HSPBAP1: variants seen among roughly 807,000 people sequenced by gnomAD.
The protein encoded by HSPBAP1 is HSPB1 associated protein 1, also known as HSPB1-associated protein 1.
In HSPBAP1, 27 loss-of-function variants were observed where a neutral mutation model predicts 45.2. The observed-to-expected ratio is 0.60, with a 90% CI of 0.44 to 0.82. The LOEUF is 0.82. Among genes scored for constraint, HSPBAP1 ranks in the 40% least tolerant of loss-of-function variants. The pLI is 0.00. For synonymous variants in HSPBAP1, 204 were observed against 202.7 expected, an observed-to-expected ratio of 1.01 and a Z score of -0.06; for missense variants, 510 against 590.9, an observed-to-expected ratio of 0.86 and a Z score of 1.42.
At chr3:122,746,945 T>TG (rs1933890210) in intron 6 of HSPBAP1, among the ~76,000 whole-genome samples, 1 of 151,960 alleles carries the variant, frequency 6.6e-6, no homozygotes, top group South Asian at 2.1e-4. Flanking sequence ...GGAGTCTCGT[T>TG]CACTCAGTGC....
chr3:122,793,482 G>C, intron 1 of HSPBAP1, 135 bp downstream of exon 1: 1 of 713,462 alleles, frequency 1.4e-6, no homozygotes, highest in Non-Finnish European at 2.4e-6. Context: ...AGAAAATATA[G>C]ATTTTTCTTC....
intron 2 of HSPBAP1, among the ~76,000 whole-genome samples, chr3:122,776,470 C>T (rs1935196795): frequency 6.6e-6 from 1 of 152,104 alleles, no homozygotes; most frequent in Non-Finnish European, 1.5e-5. Context: ...AAAGCTAATA[C>T]CGTATGTGCA....
intron 6 of HSPBAP1, among the ~76,000 whole-genome samples, chr3:122,750,134 C>A (rs1339329513): frequency 6.6e-6 from 1 of 150,590 alleles, no homozygotes; most frequent in Non-Finnish European, 1.5e-5. Context: ...GCCACTATGC[C>A]CAGCTAATTT....
At chr3:122,758,588 G>T (rs2107512107) in intron 4 of HSPBAP1, among the ~76,000 whole-genome samples, 1 of 152,164 alleles carries the variant, frequency 6.6e-6, no homozygotes, top group South Asian at 2.1e-4. Context: ...TTAAATAAAA[G>T]TTTGAAAACT....
At chr3:122,762,933 A>G (rs1004982215) in intron 3 of HSPBAP1, among the ~76,000 whole-genome samples, 7 of 152,076 alleles carry the variant, frequency 4.6e-5, no homozygotes, top group Non-Finnish European at 8.8e-5. Context: ...TATTTGTTTT[A>G]CCCATTATAG....
chr3:122,786,246 T>A (rs547386411), intron 1 of HSPBAP1, among the ~76,000 whole-genome samples: 185 of 152,346 alleles, frequency 1.2e-3, no homozygotes, highest in African/African-American at 4.2e-3. Flanking sequence ...TTCTGTGGCT[T>A]GGGCTGGATG....
At chr3:122,751,134 T>C (rs917658173) in intron 6 of HSPBAP1, among the ~76,000 whole-genome samples, 8 of 152,212 alleles carry the variant, frequency 5.3e-5, no homozygotes, top group African/African-American at 9.6e-5. Context: ...GGTAGAAATC[T>C]TATACTCTAC....
At chr3:122,767,996 GC>G (rs1481715983) in intron 3 of HSPBAP1, among the ~76,000 whole-genome samples, 2 of 152,124 alleles carry the variant, frequency 1.3e-5, no homozygotes, top group African/African-American at 4.8e-5. Flanking sequence ...TCCCATTCCT[GC>G]CCCACACCTA....
intron 5 of HSPBAP1, chr3:122,752,999 C>T (rs1412418560): frequency 7.7e-6 from 8 of 1,040,712 alleles, no homozygotes; most frequent in Non-Finnish European, 9.3e-6. Context: ...AAAATAGTTG[C>T]GTGCATTCTG....
At position 122,768,855 on chromosome 3, in the gene HSPBAP1, T is replaced by A; in HGVS notation, c.278A>T (p.Tyr93Phe). The A allele has an allele frequency of 3.1e-6, 5 of 1,611,780 alleles. No individual in the cohort carries two copies. The highest frequency in any genetic ancestry group is 4.2e-6 in the Non-Finnish European group (5 of 1,178,012). The change falls in exon 3 of 8, where the codon TAC (tyrosine) becomes TTC (phenylalanine). Residue 93 changes from tyrosine (Y) to phenylalanine (F), a missense_variant. Coordinates refer to ENST00000306103, the MANE Select transcript of HSPBAP1 (RefSeq NM_024610.6). ...AAACTCTTCGAGTGTAGCTTCTACG[T>A]AATTACATGTAGTTTCAAACTGAGG... is the stretch of plus-strand genomic sequence containing the variant. ...TVPQFETTCN[Y>F]VEATLEEFLT...
At chr3:122,774,556 AG>A (rs1190258525) in intron 2 of HSPBAP1, among the ~76,000 whole-genome samples, 2 of 152,200 alleles carry the variant, frequency 1.3e-5, no homozygotes, top group African/African-American at 4.8e-5. Flanking sequence ...CGTAACTGGA[AG>A]CCATTTAAGT....
In HSPBAP1 at chr3:122,767,966, C is replaced by T. The variant is rs545233872; in HGVS notation, c.432+735G>A. 1.1e-4 allele frequency among the ~76,000 whole-genome samples: 16 copies of T among 152,198 alleles called. No homozygotes were observed. The South Asian group carries it at 3.1e-3, about 30-fold the overall frequency. On this transcript the variant is annotated intron_variant, in intron 3 of 7. Coordinates refer to ENST00000306103, the MANE Select transcript of HSPBAP1 (RefSeq NM_024610.6). Reference sequence around the variant, plus strand: ...TGAGTCAGGGCAAGGCAGAGTCCTCCAAACAGCCTCCAGGATGGCTCCCAT... The same window carrying T: ...TGAGTCAGGGCAAGGCAGAGTCCTCTAAACAGCCTCCAGGATGGCTCCCAT...
intron 4 of HSPBAP1, among the ~76,000 whole-genome samples, chr3:122,756,020 T>G (rs1304570740): frequency 1.3e-5 from 2 of 152,164 alleles, no homozygotes; most frequent in East Asian, 3.9e-4. Context: ...TGTTTGTCAT[T>G]TAAAACAGTT....
chr3:122,753,292 G>A, intron 5 of HSPBAP1: 1 of 309,412 alleles, frequency 3.2e-6, no homozygotes, highest in Non-Finnish European at 4.7e-6. Context: ...GGTGAGGGAG[G>A]TAGGACTACA....
chr3:122,780,238 ACCCCCCCACCTCCCTCCCGGACG>A (rs1935377364), intron 1 of HSPBAP1, among the ~76,000 whole-genome samples: 4 of 37,106 alleles, frequency 1.1e-4, no homozygotes, highest in Admixed American at 2.4e-4. Flanking sequence ...CGGGGGGCTG[ACCCCCCCACCTCCCTCCCGGACG>A]GGGCGGCTGG....
chr3:122,763,239 T>G (rs1271983904), intron 3 of HSPBAP1, among the ~76,000 whole-genome samples: 1 of 152,208 alleles, frequency 6.6e-6, no homozygotes, highest in Non-Finnish European at 1.5e-5. Flanking sequence ...CAAACTAACC[T>G]GCAGTGACAG....
At chr3:122,760,399 C>T (rs968351891) in intron 3 of HSPBAP1, among the ~76,000 whole-genome samples, 3 of 151,332 alleles carry the variant, frequency 2.0e-5, no homozygotes, top group African/African-American at 4.9e-5. Context: ...TGCAGAACAT[C>T]GTTCTCAATG....
At chr3:122,752,278 C>T (rs1053880668) in intron 6 of HSPBAP1, among the ~76,000 whole-genome samples, 15 of 152,166 alleles carry the variant, frequency 9.9e-5, no homozygotes, top group South Asian at 2.1e-4. Context: ...GGACACATAT[C>T]GGCAAATCTG....
At chr3:122,785,613 A>G (rs1935627632) in intron 1 of HSPBAP1, among the ~76,000 whole-genome samples, 1 of 151,888 alleles carries the variant, frequency 6.6e-6, no homozygotes, top group Admixed American at 6.6e-5. Context: ...GTTGGGCCCA[A>G]TCTCTCTCCC....
Sources: allele counts gnomAD v4.1 joint callset (sites outside exome capture counted in the v4.1 genomes callset), GRCh38; gene constraint gnomAD v4.1.1; transcripts MANE v1.5; gene names NCBI Gene and HGNC (gene_info 2026-07-23, HGNC 2026-07-21).